PRKCE: variants seen among roughly 807,000 people sequenced by gnomAD.
PRKCE encodes the protein protein kinase C epsilon type.
A neutral mutation model predicts 85.4 loss-of-function variants in PRKCE; 16 were observed. The observed-to-expected ratio is 0.19, with a 90% CI of 0.13 to 0.28. The LOEUF (loss-of-function observed/expected upper bound fraction) is 0.28, where lower values mean the gene tolerates loss of function less well. PRKCE is among the 10% of genes least tolerant of loss of function. The pLI is 1.00. For missense variants in PRKCE, 573 were observed against 975.2 expected, an observed-to-expected ratio of 0.59 and a Z score of 5.49; for synonymous variants, 388 against 371.5, an observed-to-expected ratio of 1.04 and a Z score of -0.51.
chr2:46,163,024 C>T (rs186417598), intron 14 of PRKCE, among the ~76,000 whole-genome samples: 1 of 152,348 alleles, frequency 6.6e-6, no homozygotes, highest in East Asian at 1.9e-4. Context: ...CTCAGAAAGC[C>T]TCAAAAGACT....
rs772506210 is a variant in PRKCE, at chr2:46,151,216, G to A, written c.1907G>A (p.Ser636Asn). The A allele has an allele frequency of 6.3e-7, 1 of 1,597,314 alleles. No individual in the cohort carries two copies. Among genetic ancestry groups the A allele is most frequent in the Non-Finnish European group, 8.5e-7 (1 of 1,178,472 alleles). The change falls in exon 13 of 15, where the codon AGC becomes AAC. Residue 636 changes from serine (S) to asparagine (N), a missense_variant. By Grantham distance (46) the Ser-to-Asn change is conservative. Transcript: ENST00000306156. ...YPVWLSKEAV[S>N]ILKAFMTKNP... The stretch of plus-strand genomic sequence containing the variant: ...GTCTGGCTCAGCAAGGAGGCTGTCA[G>A]CATCTTGAAAGCTGTGAGTCACTGC...
chr2:46,058,690 A>AATTG (rs901352178), intron 10 of PRKCE, among the ~76,000 whole-genome samples: 5 of 152,012 alleles, frequency 3.3e-5, no homozygotes, highest in African/African-American at 4.8e-5. Flanking sequence ...ACTCACATTG[A>AATTG]ATTGATTGAT....
intron 2 of PRKCE, among the ~76,000 whole-genome samples, chr2:45,865,252 G>A (rs557074539): frequency 3.0e-4 from 46 of 152,118 alleles, no homozygotes; most frequent in African/African-American, 9.9e-4. Context: ...TTAATCAATT[G>A]GAATTCTCAA....
At chr2:45,987,196 T>C (rs1286837655) in intron 6 of PRKCE, among the ~76,000 whole-genome samples, 2 of 151,988 alleles carry the variant, frequency 1.3e-5, no homozygotes, top group Non-Finnish European at 2.9e-5. Flanking sequence ...GCAGGGACAG[T>C]GTATTCAGCT....
intron 11 of PRKCE, among the ~76,000 whole-genome samples, chr2:46,121,614 G>C (rs1192845960): frequency 6.6e-6 from 1 of 152,222 alleles, no homozygotes; most frequent in Non-Finnish European, 1.5e-5. Context: ...AAAAGATATT[G>C]ACCAATTGGT....
At chr2:45,913,204 T>C (rs1049911010) in intron 2 of PRKCE, among the ~76,000 whole-genome samples, 3 of 152,244 alleles carry the variant, frequency 2.0e-5, no homozygotes, top group African/African-American at 7.2e-5. Context: ...TGGAGTGCAG[T>C]GGTGCAATCA....
At chr2:45,886,599 T>G (rs1695320418) in intron 2 of PRKCE, among the ~76,000 whole-genome samples, 2 of 152,166 alleles carry the variant, frequency 1.3e-5, no homozygotes, top group Admixed American at 1.3e-4. Context: ...AGCACAAAAA[T>G]ACAGCTGACG....
At chr2:45,864,288 A>T (rs1422646095) in intron 2 of PRKCE, among the ~76,000 whole-genome samples, 2 of 152,160 alleles carry the variant, frequency 1.3e-5, no homozygotes, top group East Asian at 3.9e-4. Context: ...TTAAGGGACG[A>T]AGGTTCATGG....
intron 1 of PRKCE, among the ~76,000 whole-genome samples, chr2:45,744,598 T>C (rs1344436363): frequency 1.3e-5 from 2 of 150,314 alleles, no homozygotes; most frequent in East Asian, 3.9e-4. Context: ...CTTTCTTTCC[T>C]CCTTACTTCC....
intron 10 of PRKCE, among the ~76,000 whole-genome samples, chr2:46,083,914 G>A (rs1232593085): frequency 6.6e-6 from 1 of 152,228 alleles, no homozygotes. Flanking sequence ...ACCAGATGGA[G>A]GAGAGTCAGT....
chr2:45,841,367 G>C (rs527635818), intron 1 of PRKCE, among the ~76,000 whole-genome samples: 2 of 152,296 alleles, frequency 1.3e-5, no homozygotes, highest in African/African-American at 4.8e-5. Context: ...AGGCCCAAGA[G>C]CCCCTGGCAA....
chr2:45,816,426 A>G (rs1689048566), intron 1 of PRKCE, among the ~76,000 whole-genome samples: 1 of 152,156 alleles, frequency 6.6e-6, no homozygotes, highest in Non-Finnish European at 1.5e-5. Flanking sequence ...ATGAGACAGC[A>G]TGGGCTTCAT....
intron 6 of PRKCE, among the ~76,000 whole-genome samples, chr2:45,993,791 C>G (rs1239283781): frequency 6.6e-6 from 1 of 152,186 alleles, no homozygotes; most frequent in Non-Finnish European, 1.5e-5. Flanking sequence ...GGACAGAATT[C>G]TGGGCACAGT....
intron 11 of PRKCE, among the ~76,000 whole-genome samples, chr2:46,094,301 T>C (rs1454459703): frequency 4.6e-5 from 7 of 152,196 alleles, no homozygotes; most frequent in African/African-American, 1.7e-4. Context: ...ACTGCATCAA[T>C]TTGGTGAAGC....
chr2:45,784,078 C>T (rs560096114), intron 1 of PRKCE, among the ~76,000 whole-genome samples: 15 of 152,374 alleles, frequency 9.8e-5, no homozygotes, highest in African/African-American at 2.9e-4. Context: ...TCTGTGCTGG[C>T]GCTCAAGGAC....
intron 10 of PRKCE, among the ~76,000 whole-genome samples, chr2:46,051,780 T>G (rs60584829): frequency 1.2e-3 from 180 of 152,268 alleles, no homozygotes; most frequent in African/African-American, 4.2e-3. Context: ...ACTGGGTAAT[T>G]TATAAAGAAA....
At chr2:46,047,229 T>G (rs766591829) in intron 10 of PRKCE, among the ~76,000 whole-genome samples, 24 of 152,154 alleles carry the variant, frequency 1.6e-4, no homozygotes, top group South Asian at 8.3e-4. Flanking sequence ...CTGCCCTCCT[T>G]GTCTGATACC....
intron 11 of PRKCE, among the ~76,000 whole-genome samples, chr2:46,106,915 G>A (rs11680360): frequency 0.39 from 59,733 of 152,044 alleles, 13,621 homozygotes; most frequent in East Asian, 0.53. Context: ...CCCACCCTTC[G>A]ATGAAGTTGT....
At chr2:46,099,499 T>C (rs1209154863) in intron 11 of PRKCE, among the ~76,000 whole-genome samples, 1 of 133,614 alleles carries the variant, frequency 7.5e-6, no homozygotes, top group Non-Finnish European at 1.6e-5. Context: ...TAAGGTATGG[T>C]ATTTTTTTTT....
Sources: gnomAD v4.1 joint callset for allele counts (sites outside exome capture counted in the v4.1 genomes callset) on GRCh38, gnomAD v4.1.1 for gene constraint, MANE v1.5 for transcripts, NCBI Gene and HGNC (gene_info 2026-07-23, HGNC 2026-07-21) for gene names.